Variants in TNIP3 observed in about 807,000 individuals in gnomAD.
TNIP3 encodes TNFAIP3 interacting protein 3, also known as TNFAIP3-interacting protein 3.
A neutral mutation model predicts 54.1 loss-of-function variants in TNIP3; 34 were observed. The observed-to-expected ratio is 0.63, with a 90% CI of 0.48 to 0.84. The LOEUF is 0.84. TNIP3 is among the 40% of genes least tolerant of loss of function. The pLI is 0.00. For synonymous variants in TNIP3, 134 were observed against 136.8 expected, an observed-to-expected ratio of 0.98 and a Z score of 0.14; for missense variants, 366 against 387.6, an observed-to-expected ratio of 0.94 and a Z score of 0.47.
intron 5 of TNIP3, 81 bp from the exon 6 acceptor site, chr4:121,150,300 A>C: frequency 7.5e-6 from 6 of 796,124 alleles, no homozygotes; most frequent in Non-Finnish European, 1.2e-5. Context: ...CAATCATCTC[A>C]AATGCACCCA....
chr4:121,132,588 C>A lies in TNIP3; in HGVS notation c.*43G>T. On this transcript the variant is annotated 3_prime_UTR_variant, in exon 11 of 11. Transcript: ENST00000057513. ...AAACAAAGAAGAGGGTCCTCAGCCA[C>A]GCTCCCTCGTTGCCTGTTGTCTCTC... 1 of 1,596,918 alleles carries A rather than the reference C, an allele frequency of 6.3e-7. No individual in the cohort carries two copies. The highest frequency in any genetic ancestry group is 1.1e-5 in the South Asian group (1 of 90,472).
intron 6 of TNIP3, among the ~76,000 whole-genome samples, chr4:121,147,380 TTACTGACAA>T (rs1315961923): frequency 1.9e-4 from 29 of 152,304 alleles, no homozygotes; most frequent in African/African-American, 6.5e-4. Flanking sequence ...AAAAGACAGT[TTACTGACAA>T]TAGATGTTAA....
chr4:121,204,965 A>G (rs1726101348), intron 2 of TNIP3, among the ~76,000 whole-genome samples: 1 of 152,154 alleles, frequency 6.6e-6, no homozygotes, highest in Non-Finnish European at 1.5e-5. Context: ...TATGTTCATT[A>G]TTCATTTGCT....
In TNIP3 at chr4:121,132,330, C is replaced by A; in HGVS notation, c.*301G>T. Reference sequence around the variant, plus strand: ...AAATCATAGAATCATTTTTGTGCATCCAACAGCAATATGCTGAAGAGATTT... The same window carrying A: ...AAATCATAGAATCATTTTTGTGCATACAACAGCAATATGCTGAAGAGATTT... On this transcript the variant is annotated 3_prime_UTR_variant, in exon 11 of 11. Transcript: ENST00000057513. 1 of 342,704 alleles carries A rather than the reference C, an allele frequency of 2.9e-6. No individual in the cohort carries two copies. Among genetic ancestry groups the A allele is most frequent in the East Asian group, 5.1e-5 (1 of 19,640 alleles). The allele number at this position is 342,704 out of a possible 1,614,324, so 21.2% of individuals were successfully genotyped here. A position where few individuals can be genotyped will look rare whatever the true frequency, so the allele number is the denominator to read the frequency against.
At chr4:121,137,788 C>T (rs557285176) in intron 10 of TNIP3, 3 of 357,382 alleles carry the variant, frequency 8.4e-6, no homozygotes, top group South Asian at 4.4e-5. Flanking sequence ...GACTACATAG[C>T]TCATCTTCAG....
chr4:121,135,400 A>AT (rs918651843), intron 10 of TNIP3, among the ~76,000 whole-genome samples: 50 of 149,876 alleles, frequency 3.3e-4, no homozygotes, highest in East Asian at 3.9e-4. Context: ...CTTTTTTTTT[A>AT]TTTTTTTTTA....
chr4:121,211,763 A>G (rs1180466609), intron 2 of TNIP3, among the ~76,000 whole-genome samples: 1 of 152,222 alleles, frequency 6.6e-6, no homozygotes, highest in African/African-American at 2.4e-5. Context: ...TGTTTTCAGC[A>G]TAAACTCTGA....
At chr4:121,161,865 G>A (rs1344474264) in intron 1 of TNIP3, among the ~76,000 whole-genome samples, 1 of 152,060 alleles carries the variant, frequency 6.6e-6, no homozygotes, top group East Asian at 1.9e-4. Flanking sequence ...AGGAGTGAGA[G>A]TATTCATTTA....
At chr4:121,188,908 C>T (rs957192957) in intron 2 of TNIP3, among the ~76,000 whole-genome samples, 1 of 152,148 alleles carries the variant, frequency 6.6e-6, no homozygotes, top group Non-Finnish European at 1.5e-5. Flanking sequence ...TACTTTAAGA[C>T]CATTGAATTT....
At chr4:121,214,544 C>T (rs188473692) in intron 2 of TNIP3, among the ~76,000 whole-genome samples, 9 of 152,202 alleles carry the variant, frequency 5.9e-5, no homozygotes, top group African/African-American at 1.7e-4. Flanking sequence ...GAGAGGTGGC[C>T]GGGTGAGGAT....
intron 10 of TNIP3, among the ~76,000 whole-genome samples, chr4:121,133,111 A>G (rs1248511572): frequency 1.3e-5 from 2 of 152,228 alleles, no homozygotes; most frequent in South Asian, 2.1e-4. Flanking sequence ...TTGTTGGTGT[A>G]TCATGAAGAC....
At chr4:121,181,092 T>C (rs1412785935) in intron 3 of TNIP3, among the ~76,000 whole-genome samples, 1 of 152,160 alleles carries the variant, frequency 6.6e-6, no homozygotes, top group Non-Finnish European at 1.5e-5. Flanking sequence ...AAAGGAGACA[T>C]AACCTGTAGC....
intron 4 of TNIP3, among the ~76,000 whole-genome samples, chr4:121,155,594 T>G (rs1730035518): frequency 6.6e-6 from 1 of 152,204 alleles, no homozygotes. Flanking sequence ...AGAAGTGCAG[T>G]GTTTTAAACA....
At chr4:121,201,690 T>C (rs1231985403) in intron 2 of TNIP3, among the ~76,000 whole-genome samples, 1 of 152,188 alleles carries the variant, frequency 6.6e-6, no homozygotes. Flanking sequence ...TAGCTATGAT[T>C]TGGGCAATTA....
upstream of TNIP3, among the ~76,000 whole-genome samples, chr4:121,221,014 A>G (rs896744409): frequency 1.3e-5 from 2 of 152,180 alleles, no homozygotes; most frequent in Non-Finnish European, 1.5e-5. Flanking sequence ...AAAAAAATCA[A>G]TGAGAACAAA....
chr4:121,211,260 G>A (rs1389337120), intron 2 of TNIP3, among the ~76,000 whole-genome samples: 1 of 152,156 alleles, frequency 6.6e-6, no homozygotes, highest in Non-Finnish European at 1.5e-5. Context: ...GACAGCTAGA[G>A]TCTTATGTCA....
At chr4:121,207,440 T>A (rs566554466) in intron 2 of TNIP3, among the ~76,000 whole-genome samples, 2 of 152,336 alleles carry the variant, frequency 1.3e-5, no homozygotes, top group East Asian at 3.9e-4. Context: ...TTTATAATAG[T>A]TAAATGTTAA....
At chr4:121,184,361 G>A (rs1174924229) in intron 2 of TNIP3, among the ~76,000 whole-genome samples, 1 of 152,238 alleles carries the variant, frequency 6.6e-6, no homozygotes, top group Non-Finnish European at 1.5e-5. Flanking sequence ...GCTCACAGGA[G>A]TAGGCTCTGA....
At chr4:121,165,856 A>T (rs1730737888), upstream of TNIP3, among the ~76,000 whole-genome samples, 1 of 152,244 alleles carries the variant, frequency 6.6e-6, no homozygotes, top group African/African-American at 2.4e-5. Flanking sequence ...TTTAGGGTAC[A>T]GAAGCAGCGA....
Sources: allele counts gnomAD v4.1 joint callset (sites outside exome capture counted in the v4.1 genomes callset), GRCh38; gene constraint gnomAD v4.1.1; transcripts MANE v1.5; gene names NCBI Gene and HGNC (gene_info 2026-07-23, HGNC 2026-07-21).